The following HPSE2 variants were observed in gnomAD, a reference collection of about 807,000 sequenced individuals.
HPSE2 encodes the protein heparanase 2 (inactive), also known as inactive heparanase-2.
HPSE2 carries 38 observed loss-of-function variants against 60.5 expected under a neutral mutation model. That is an observed-to-expected ratio of 0.63 (90% confidence interval 0.48 to 0.82). The LOEUF is 0.82. HPSE2 is among the 40% of genes least tolerant of loss of function. The pLI is 0.00. For missense variants in HPSE2, 713 were observed against 740.4 expected (o/e 0.96, Z 0.43); for synonymous variants, 295 against 293.2 (o/e 1.01, Z -0.06).
At chr10:99,056,324 A>G (rs927851061) in intron 3 of HPSE2, among the ~76,000 whole-genome samples, 1 of 152,138 alleles carries the variant, frequency 6.6e-6, no homozygotes, top group African/African-American at 2.4e-5. Flanking sequence ...AAATTTCCCA[A>G]AGAGAAAACT....
At chr10:98,490,938 C>T (rs547475850) in intron 9 of HPSE2, among the ~76,000 whole-genome samples, 1 of 152,252 alleles carries the variant, frequency 6.6e-6, no homozygotes, top group South Asian at 2.1e-4. Flanking sequence ...GTTGCATTTG[C>T]TATTATCATA....
At chr10:98,863,745 A>T (rs1952517953) in intron 3 of HPSE2, among the ~76,000 whole-genome samples, 2 of 152,214 alleles carry the variant, frequency 1.3e-5, no homozygotes, top group South Asian at 4.1e-4. Context: ...TATATGAAGT[A>T]TAATGAGCCT....
At chr10:99,232,612 G>A (rs1469572017) in intron 1 of HPSE2, 107 bp from the exon 2 acceptor site, 25 of 1,286,516 alleles carry the variant, frequency 1.9e-5, no homozygotes, top group African/African-American at 1.5e-5. Context: ...CCTGGCCGGG[G>A]CTAGAGGCTC....
chr10:98,545,481 G>A (rs1369050677), intron 9 of HPSE2, among the ~76,000 whole-genome samples: 1 of 152,202 alleles, frequency 6.6e-6, no homozygotes, highest in East Asian at 1.9e-4. Flanking sequence ...TCATCCCTGG[G>A]ATGGAAGGCT....
At chr10:99,302,462 C>A in the HPSE2 span, among the ~76,000 whole-genome samples, 1 of 152,116 alleles carries the variant, frequency 6.6e-6, no homozygotes, top group African/African-American at 2.4e-5. Context: ...AATGCTCTGG[C>A]TGACAGAGCA....
intron 3 of HPSE2, among the ~76,000 whole-genome samples, chr10:98,772,096 G>A (rs959779350): frequency 6.6e-6 from 1 of 152,136 alleles, no homozygotes; most frequent in African/African-American, 2.4e-5. Context: ...GGTGGTTGGA[G>A]AGGCAAAGCA....
intron 3 of HPSE2, among the ~76,000 whole-genome samples, chr10:99,028,811 G>A (rs1957434961): frequency 6.6e-6 from 1 of 152,100 alleles, no homozygotes; most frequent in South Asian, 2.1e-4. Context: ...GAACAGAATG[G>A]AGAACCCAGA....
At chr10:98,552,850 T>C (rs1943901627) in intron 9 of HPSE2, among the ~76,000 whole-genome samples, 1 of 152,138 alleles carries the variant, frequency 6.6e-6, no homozygotes, top group Non-Finnish European at 1.5e-5. Context: ...TATCAGCCTC[T>C]TCTATAACAT....
the HPSE2 span, among the ~76,000 whole-genome samples, chr10:99,244,955 A>C: frequency 1.3e-5 from 2 of 152,062 alleles, no homozygotes; most frequent in African/African-American, 4.8e-5. Flanking sequence ...TAGTTATATT[A>C]AACCTTATCA....
intron 9 of HPSE2, among the ~76,000 whole-genome samples, chr10:98,502,501 A>T (rs1003926655): frequency 1.3e-5 from 2 of 152,262 alleles, no homozygotes; most frequent in South Asian, 4.1e-4. Context: ...AGCCACATGT[A>T]GGAGAATGAA....
chr10:98,668,916 C>T (rs1216547312), intron 6 of HPSE2, among the ~76,000 whole-genome samples: 5 of 152,084 alleles, frequency 3.3e-5, no homozygotes, highest in South Asian at 2.1e-4. Flanking sequence ...CTTCATTAAA[C>T]GAAAGAGCTT....
chr10:99,075,382 C>G (rs1842922894), intron 3 of HPSE2, among the ~76,000 whole-genome samples: 1 of 152,048 alleles, frequency 6.6e-6, no homozygotes, highest in African/African-American at 2.4e-5. Flanking sequence ...CCACTGTGAT[C>G]AGAAAAGATA....
At chr10:98,974,314 A>G (rs574615943) in intron 3 of HPSE2, among the ~76,000 whole-genome samples, 43 of 146,548 alleles carry the variant, frequency 2.9e-4, no homozygotes, top group Admixed American at 7.0e-4. Context: ...AGAAAGAAAG[A>G]TTTGTAATGC....
chr10:98,968,532 G>A (rs1955871423), intron 3 of HPSE2, among the ~76,000 whole-genome samples: 1 of 152,080 alleles, frequency 6.6e-6, no homozygotes, highest in Non-Finnish European at 1.5e-5. Context: ...GTTGTTATAT[G>A]AAAAAGACAC....
chr10:99,038,797 C>T (rs1268945678), intron 3 of HPSE2, among the ~76,000 whole-genome samples: 2 of 152,066 alleles, frequency 1.3e-5, no homozygotes, highest in African/African-American at 4.8e-5. Context: ...TATTGCTTAT[C>T]ACTAAAATGC....
chr10:99,304,582 C>T, the HPSE2 span, among the ~76,000 whole-genome samples: 130,625 of 152,276 alleles, frequency 0.86, 56,412 homozygotes, highest in African/African-American at 0.93. Context: ...AAAAATCATA[C>T]GTTTAAAGGT....
At chr10:99,314,174 G>T in the HPSE2 span, among the ~76,000 whole-genome samples, 15 of 152,162 alleles carry the variant, frequency 9.9e-5, no homozygotes, top group East Asian at 2.9e-3. Context: ...TTTGGTTTTG[G>T]TTTTTTGACA....
intron 3 of HPSE2, among the ~76,000 whole-genome samples, chr10:99,031,325 T>G (rs1957493860): frequency 6.6e-6 from 1 of 152,192 alleles, no homozygotes; most frequent in Non-Finnish European, 1.5e-5. Context: ...ATTTTCTATG[T>G]GGGGTACCAT....
At chr10:98,587,157 TG>T (rs34134063) in intron 9 of HPSE2, among the ~76,000 whole-genome samples, 43 of 152,242 alleles carry the variant, frequency 2.8e-4, no homozygotes, top group Non-Finnish European at 5.1e-4. Context: ...TCTGTAAAAA[TG>T]CCAGTTTCTT....
Sources: allele counts gnomAD v4.1 joint callset (sites outside exome capture counted in the v4.1 genomes callset), GRCh38; gene constraint gnomAD v4.1.1; transcripts MANE v1.5; gene names NCBI Gene and HGNC (gene_info 2026-07-23, HGNC 2026-07-21).